Variants in KIF11 observed in about 807,000 individuals in gnomAD.
KIF11 encodes the protein kinesin-like protein KIF11.
A neutral mutation model predicts 121.0 loss-of-function variants in KIF11; 9 were observed. The observed-to-expected ratio is 0.07, with a 90% confidence interval of 0.04 to 0.13. The LOEUF (loss-of-function observed/expected upper bound fraction) is 0.13. Among genes scored for constraint, KIF11 ranks in the 10% least tolerant of loss-of-function variants. KIF11 has a pLI of 1.00. For missense variants in KIF11, 846 were observed against 1,217.5 expected (o/e 0.69, Z 4.54); for synonymous variants, 408 against 421.0 (o/e 0.97, Z 0.38).
intron 17 of KIF11, among the ~76,000 whole-genome samples, chr10:92,643,151 A>G (rs1219510269): frequency 6.6e-6 from 1 of 152,062 alleles, no homozygotes; most frequent in African/African-American, 2.4e-5. Flanking sequence ...ACCTCAAGTG[A>G]TTTACCTGCC....
intron 9 of KIF11, among the ~76,000 whole-genome samples, chr10:92,620,263 G>T (rs1844603300): frequency 6.6e-6 from 1 of 151,902 alleles, no homozygotes; most frequent in Admixed American, 6.6e-5. Flanking sequence ...TGTATTTTTA[G>T]TAGAGACAGG....
At chr10:92,652,045 A>G (rs1224367911) in intron 21 of KIF11, among the ~76,000 whole-genome samples, 1 of 149,154 alleles carries the variant, frequency 6.7e-6, no homozygotes, top group Non-Finnish European at 1.5e-5. Flanking sequence ...TCTTGGCCTC[A>G]AGCAGCCCTC....
Position 92,632,608 on chromosome 10 carries a change from T to C in KIF11, c.1617T>C (p.Asn539=), listed in dbSNP as rs1844750403. Residue 539 remains asparagine, a synonymous_variant, in exon 13 of 22, where the codon AAT becomes AAC. Coordinates refer to ENST00000260731, the MANE Select transcript of KIF11 (RefSeq NM_004523.4). Reference sequence around the variant, plus strand: ...AGGATATTTTTGGCAAAAACCTGAATAGTCTGTTTAATAATATGGAAGAAT... The same window carrying C: ...AGGATATTTTTGGCAAAAACCTGAACAGTCTGTTTAATAATATGGAAGAAT... ...EAQDIFGKNL[N]SLFNNMEELI... The C allele has an allele frequency of 1.2e-6, 2 of 1,613,696 alleles. No individual in the cohort carries two copies. Among genetic ancestry groups the C allele is most frequent in the Non-Finnish European group, 1.7e-6 (2 of 1,179,684 alleles).
At chr10:92,609,722 T>C (rs949902690) in intron 6 of KIF11, among the ~76,000 whole-genome samples, 2 of 152,062 alleles carry the variant, frequency 1.3e-5, no homozygotes, top group Non-Finnish European at 2.9e-5. Flanking sequence ...AGTTGAACCA[T>C]AGCTGAAGTA....
At chr10:92,595,073 G>T (rs1436664160) in intron 1 of KIF11, among the ~76,000 whole-genome samples, 3 of 151,912 alleles carry the variant, frequency 2.0e-5, no homozygotes, top group African/African-American at 7.3e-5. Flanking sequence ...TGGTTTATCA[G>T]TTTTTTTTGA....
At chr10:92,650,362 G>T in intron 20 of KIF11, 39 bp from the exon 21 acceptor site, 1 of 1,161,258 alleles carries the variant, frequency 8.6e-7, no homozygotes. Flanking sequence ...TGACTTTTAA[G>T]CCCTTGGACT....
Position 92,630,253 on chromosome 10 carries a change from T to G in KIF11, c.1383T>G (p.Leu461=), listed in dbSNP as rs200035618. ...KSDLQNKTQE[L]ETTQKHLQET... ...ACCTGCAAAATAAAACACAAGAACT[T>G]GAAACCACTCAAAAACATTTGCAAG... Residue 461 remains leucine, a synonymous_variant, in exon 12 of 22, where the codon CTT becomes CTG. Transcript: ENST00000260731. The G allele has an allele frequency of 1.6e-4, 257 of 1,610,304 alleles. No homozygotes were observed. The Middle Eastern group carries it at 1.7e-3, about 10-fold the overall frequency.
At chr10:92,618,472 C>T (rs1367186859) in intron 9 of KIF11, among the ~76,000 whole-genome samples, 1 of 151,352 alleles carries the variant, frequency 6.6e-6, no homozygotes, top group South Asian at 2.1e-4. Flanking sequence ...TAGTGAAACC[C>T]TCATCTCTAC....
In KIF11 at chr10:92,648,277, A is replaced by G; in HGVS notation, c.2613A>G (p.Ala871=). ...CTGAGAAATCAGATGGACGTAAGGCAGCTCATGAGAAACAGCATAACATTT... is the reference window on the plus strand; with the variant it reads ...CTGAGAAATCAGATGGACGTAAGGCGGCTCATGAGAAACAGCATAACATTT... The part of the protein sequence containing the change: ...DITEKSDGRK[A]AHEKQHNIFL... The change falls in exon 19 of 22, where the codon GCA becomes GCG. Residue 871 remains alanine (A), a synonymous_variant. Transcript: ENST00000260731. 6.2e-7 allele frequency: 1 copy of G among 1,613,858 alleles called. No individual in the cohort carries two copies. Among genetic ancestry groups the G allele is most frequent in the Non-Finnish European group, 8.5e-7 (1 of 1,179,780 alleles).
Position 92,630,920 on chromosome 10 carries a change from G to A in KIF11, c.1494+556G>A, listed in dbSNP as rs181573699. ...ACATAACTTTATAATATATTTTGTA[G>A]ACATTTAGAATAGTGATGCTGTGAT... On this transcript the variant is annotated intron_variant, in intron 12 of 21. Coordinates refer to ENST00000260731, the MANE Select transcript of KIF11 (RefSeq NM_004523.4). Among the ~76,000 whole-genome samples, 460 of 148,746 alleles carry A rather than the reference G, an allele frequency of 3.1e-3. 2 individuals are homozygous for A. The highest frequency in any genetic ancestry group is 5.0e-3 in the Non-Finnish European group (334 of 67,310).
In KIF11 at chr10:92,630,330, G is replaced by A. The variant is rs780874784; in HGVS notation, c.1460G>A (p.Ser487Asn). ...GAATATATCACATCAGCTTTGGAAA[G>A]TACTGAGGAGAAACTTCATGATGCT... ...KEEYITSALE[S>N]TEEKLHDAAS... is the part of the protein sequence containing the mutation. Residue 487 changes from serine to asparagine, a missense_variant, in exon 12 of 22, where the codon AGT becomes AAT. Around this residue, in one of 5 missense-constraint regions of KIF11, gnomAD observed 95 missense variants for 109.3 expected, o/e 0.87. Transcript: ENST00000260731. 2.5e-6 allele frequency: 4 copies of A among 1,591,048 alleles called. No individual in the cohort carries two copies. In the Admixed American group the frequency reaches 5.6e-5, roughly 22 times the overall value.
intron 1 of KIF11, among the ~76,000 whole-genome samples, chr10:92,594,736 T>C (rs1844273212): frequency 1.3e-5 from 2 of 152,206 alleles, no homozygotes; most frequent in Admixed American, 6.5e-5. Flanking sequence ...CTCCAGCCAC[T>C]GTTAACCATT....
intron 10 of KIF11, among the ~76,000 whole-genome samples, chr10:92,624,326 G>C (rs999330039): frequency 4.0e-5 from 6 of 149,566 alleles, no homozygotes; most frequent in Admixed American, 2.0e-4. Flanking sequence ...TGCCTCCCAG[G>C]TTCAAGTGAT....
In KIF11 at chr10:92,609,281, AGAGAGAGAGAGAGAGAGAGAGAGT is replaced by A. The variant is rs1180756846; in HGVS notation, c.573+78_574-79del. 8.5e-6 allele frequency: 10 copies of A among 1,180,378 alleles called. No homozygotes were observed. In the East Asian group the frequency reaches 2.3e-4, roughly 27 times the overall value. The allele number at this position is 1,180,378 out of a possible 1,614,324, so 73.1% of individuals were successfully genotyped here. ...TTTGAGAAGTCAGAGAGAGAGAGAGAGAGAGAGAGAGAGAGAGAGAGAGTGTGTGTGTGTGTGTGTGTGTGTGTG... is the reference window on the plus strand; with the variant it reads ...TTTGAGAAGTCAGAGAGAGAGAGAGAGTGTGTGTGTGTGTGTGTGTGTGTG... On this transcript the variant is annotated intron_variant, in intron 5 of 21. Transcript: ENST00000260731.
rs3835295 is a variant in KIF11, at chr10:92,609,266, CAGAGAGAG to C, written c.574-88_574-81del. 0.074 allele frequency: 53,903 copies of C among 727,186 alleles called. 1,805 individuals are homozygous for C. The highest frequency in any genetic ancestry group is 0.17 in the East Asian group (5,011 of 29,598). The allele number at this position is 727,186 out of a possible 1,614,324, so 45.0% of individuals were successfully genotyped here. A position where few individuals can be genotyped will look rare whatever the true frequency, so the allele number is the denominator to read the frequency against. On this transcript the variant is annotated intron_variant, in intron 5 of 21. Transcript: ENST00000260731. ...TTTAATGTGTGAGGCTTTGAGAAGT[CAGAGAGAG>C]AGAGAGAGAGAGAGAGAGAGAGAGA...
At chr10:92,629,584 G>A (rs114841568) in intron 11 of KIF11, among the ~76,000 whole-genome samples, 1,982 of 152,064 alleles carry the variant, frequency 0.013, 47 homozygotes, top group African/African-American at 0.044. Context: ...ACCTTTCAGG[G>A]CCACCCTCAT....
chr10:92,647,787 A>C (rs1219409088), intron 18 of KIF11, among the ~76,000 whole-genome samples: 1 of 152,062 alleles, frequency 6.6e-6, no homozygotes, highest in Non-Finnish European at 1.5e-5. Flanking sequence ...AGTTAATTAT[A>C]CTGTTCTCTC....
At chr10:92,648,832 T>C (rs1844949453) in intron 19 of KIF11, among the ~76,000 whole-genome samples, 1 of 152,230 alleles carries the variant, frequency 6.6e-6, no homozygotes, top group African/African-American at 2.4e-5. Flanking sequence ...TGTCATAGAC[T>C]ATTGCCATTT....
At position 92,649,886 on chromosome 10, in the gene KIF11, C is replaced by T; in HGVS notation, c.2822C>T (p.Thr941Ile). The T allele has an allele frequency of 6.2e-7, 1 of 1,613,132 alleles. No individual in the cohort carries two copies. The highest frequency in any genetic ancestry group is 1.1e-5 in the South Asian group (1 of 91,028). The change falls in exon 20 of 22, where the codon ACT becomes ATT. Residue 941 changes from threonine to isoleucine, a missense_variant. By Grantham distance (89) the Thr-to-Ile change is moderately conservative. Transcript: ENST00000260731. ...SYLYPSTLVRTEPREHLLDQL... is the reference protein window; with the variant it reads ...SYLYPSTLVRIEPREHLLDQL... ...TTATACCCATCAACACTGGTAAGAA[C>T]TGAACCACGTGAACATCTCCTTGAT...
Sources: gnomAD v4.1 joint callset for allele counts (sites outside exome capture counted in the v4.1 genomes callset) on GRCh38, gnomAD v4.1.1 for gene constraint, gnomAD v4.1.1 regional missense constraint, MANE v1.5 for transcripts, NCBI Gene and HGNC (gene_info 2026-07-23, HGNC 2026-07-21) for gene names.